Variants in OR8G5 observed in about 807,000 individuals in gnomAD.
The protein encoded by OR8G5 is olfactory receptor 8G5.
For missense variants in OR8G5, 347 were observed against 371.9 expected, an observed-to-expected ratio of 0.93 and a Z score of 0.55; for synonymous variants, 147 against 147.7, an observed-to-expected ratio of 1.00 and a Z score of 0.03.
chr11:124,261,727 T>G (rs948243148), intron 1 of OR8G5, among the ~76,000 whole-genome samples: 1 of 151,916 alleles, frequency 6.6e-6, no homozygotes, highest in African/African-American at 2.4e-5. Flanking sequence ...TATCAGGCAA[T>G]GTATCCTTTT....
intron 1 of OR8G5, among the ~76,000 whole-genome samples, chr11:124,259,056 AG>A (rs1861939818): frequency 6.6e-6 from 1 of 152,208 alleles, no homozygotes; most frequent in Non-Finnish European, 1.5e-5. Flanking sequence ...TTTTAAACTA[AG>A]CTTAGAAGTT....
chr11:124,266,097 A>T lies in OR8G5; in HGVS notation c.*230A>T. On this transcript the variant is annotated 3_prime_UTR_variant, in exon 2 of 2. Coordinates refer to ENST00000641992, the MANE Select transcript of OR8G5 (RefSeq NM_001005198.2). ...TTTCTTAGAAGAAATAATAAGATTG[A>T]CATAGTGAAATAGTGGCATAACCTG... 4.1e-6 allele frequency: 2 copies of T among 491,890 alleles called. No homozygotes were observed. The highest frequency in any genetic ancestry group is 6.9e-6 in the Non-Finnish European group (2 of 288,540). The allele number at this position is 491,890 out of a possible 1,614,324, so 30.5% of individuals were successfully genotyped here. A position where few individuals can be genotyped will look rare whatever the true frequency, so the allele number is the denominator to read the frequency against.
chr11:124,265,359 C>G lies in OR8G5; in HGVS notation c.428C>G (p.Ser143Cys). ...SIIISNKACF[S>C]LILVVYVIGL... ...ATCATATCCAATAAGGCTTGCTTTT[C>G]TCTGATTTTAGTGGTGTATGTAATA... The change falls in exon 2 of 2, where the codon TCT (serine) becomes TGT (cysteine). Residue 143 changes from serine (S) to cysteine (C), a missense_variant. Coordinates refer to ENST00000641992, the MANE Select transcript of OR8G5 (RefSeq NM_001005198.2). The G allele has an allele frequency of 6.2e-7, 1 of 1,614,006 alleles. No individual in the cohort carries two copies. Among genetic ancestry groups the G allele is most frequent in the Non-Finnish European group, 8.5e-7 (1 of 1,179,894 alleles).
chr11:124,258,809 G>A (rs1459511319), intron 1 of OR8G5, among the ~76,000 whole-genome samples: 1 of 152,012 alleles, frequency 6.6e-6, no homozygotes, highest in African/African-American at 2.4e-5. Flanking sequence ...CAGCACTTCA[G>A]CACCATTGTA....
rs1328765458 is a variant in OR8G5 at position 124,265,628 on chromosome 11, G to T, written c.697G>T (p.Gly233Cys). The change falls in exon 2 of 2, where the codon GGC becomes TGC. Residue 233 changes from glycine to cysteine, a missense_variant. Coordinates refer to ENST00000641992, the MANE Select transcript of OR8G5 (RefSeq NM_001005198.2). ...ASILRIRYTE[G>C]RSKAFSTCSS... ...CATCCTCCGCATTCGCTACACTGAG[G>T]GCAGGTCCAAAGCCTTCAGCACTTG... 3.1e-6 allele frequency: 5 copies of T among 1,613,836 alleles called. No individual in the cohort carries two copies. The highest frequency in any genetic ancestry group is 2.5e-6 in the Non-Finnish European group (3 of 1,179,876).
intron 1 of OR8G5, 130 bp downstream of exon 1, chr11:124,256,764 C>T (rs1222215477): frequency 6.6e-6 from 1 of 152,170 alleles, no homozygotes; most frequent in Non-Finnish European, 1.5e-5. Flanking sequence ...CTTAAAAGTA[C>T]TTTTTAAACT....
intron 1 of OR8G5, among the ~76,000 whole-genome samples, chr11:124,261,583 A>G (rs2466669): frequency 0.48 from 73,118 of 151,678 alleles, 18,397 homozygotes; most frequent in East Asian, 0.58. Flanking sequence ...CAGAAATTTT[A>G]GTGAGAGACA....
rs564961203 is a variant in OR8G5 at position 124,256,535 on chromosome 11, G to A, written c.-114G>A. The A allele has an allele frequency of 6.6e-6, 1 of 152,280 alleles. No homozygotes were observed. Among genetic ancestry groups the A allele is most frequent in the African/African-American group, 2.4e-5 (1 of 41,558 alleles). The allele number at this position is 152,280 out of a possible 1,614,324, so 9.4% of individuals were successfully genotyped here. On this transcript the variant is annotated 5_prime_UTR_variant, in exon 1 of 2. Coordinates refer to ENST00000641992, the MANE Select transcript of OR8G5 (RefSeq NM_001005198.2). ...ACTAAAGACTACAGAACGCTGGCTT[G>A]GTACCTATGACTTCCAACAGCAGCA...
Position 124,264,274 on chromosome 11 carries a change from C to G in OR8G5, c.-14-644C>G, listed in dbSNP as rs559925869. Among the ~76,000 whole-genome samples, 474 of 152,298 alleles carry G rather than the reference C, an allele frequency of 3.1e-3. 3 individuals carry two copies. The highest frequency in any genetic ancestry group is 0.01 in the African/African-American group (435 of 41,572). ...CAAGCACTTTGACTTTAGAGCCTGT[C>G]CATTCAACAACTACTCATTCTGTTT... On this transcript the variant is annotated intron_variant, in intron 1 of 1. Coordinates refer to ENST00000641992, the MANE Select transcript of OR8G5 (RefSeq NM_001005198.2).
chr11:124,264,232 G>T (rs541823196), intron 1 of OR8G5, among the ~76,000 whole-genome samples: 1 of 152,230 alleles, frequency 6.6e-6, no homozygotes, highest in Admixed American at 6.5e-5. Flanking sequence ...GTAAATGACG[G>T]GGTCAGAATT....
At chr11:124,262,672 T>TACAC (rs144755103) in intron 1 of OR8G5, among the ~76,000 whole-genome samples, 44,816 of 150,766 alleles carry the variant, frequency 0.3, 7,067 homozygotes, top group East Asian at 0.42. Flanking sequence ...TATATGTACA[T>TACAC]ATACACACAC....
intron 1 of OR8G5, among the ~76,000 whole-genome samples, chr11:124,261,700 G>A (rs1249883913): frequency 6.6e-6 from 1 of 151,842 alleles, no homozygotes; most frequent in Non-Finnish European, 1.5e-5. Flanking sequence ...TGAAATGTGT[G>A]TATTAAGGGA....
intron 1 of OR8G5, among the ~76,000 whole-genome samples, chr11:124,263,471 T>A (rs912565572): frequency 1.3e-5 from 2 of 150,756 alleles, no homozygotes; most frequent in Admixed American, 1.3e-4. Flanking sequence ...TAACATTAGG[T>A]ATATCTCCTA....
In OR8G5 at chr11:124,265,037, G is replaced by A. The variant is rs1862013485; in HGVS notation, c.106G>A (p.Val36Ile). The change falls in exon 2 of 2, where the codon GTA (valine) becomes ATA (isoleucine). Residue 36 changes from valine to isoleucine, a missense_variant. Transcript: ENST00000641992. ...PLFLVFLGIY[V>I]VTVLGNLGMI... ...CTTCCTCGTCTTCCTGGGAATCTAT[G>A]TAGTCACAGTGCTGGGGAACCTGGG... 3 of 1,614,100 alleles carry A rather than the reference G, an allele frequency of 1.9e-6. No homozygotes were observed. Among genetic ancestry groups the A allele is most frequent in the Non-Finnish European group, 2.5e-6 (3 of 1,180,008 alleles).
intron 1 of OR8G5, among the ~76,000 whole-genome samples, chr11:124,262,540 A>G (rs899058817): frequency 3.9e-5 from 6 of 152,018 alleles, no homozygotes; most frequent in African/African-American, 9.7e-5. Flanking sequence ...GAATACTTCT[A>G]TACATTTGGG....
chr11:124,259,700 T>C (rs1861948672), intron 1 of OR8G5, among the ~76,000 whole-genome samples: 1 of 152,122 alleles, frequency 6.6e-6, no homozygotes, highest in African/African-American at 2.4e-5. Flanking sequence ...TGATGATCAA[T>C]CATATTGGGA....
chr11:124,266,069 T>A lies in OR8G5; in HGVS notation c.*202T>A. ...TCTCATAAGGATTACGAAGACATGATATTTTCTTAGAAGAAATAATAAGAT... is the reference window on the plus strand; with the variant it reads ...TCTCATAAGGATTACGAAGACATGAAATTTTCTTAGAAGAAATAATAAGAT... On this transcript the variant is annotated 3_prime_UTR_variant, in exon 2 of 2. Coordinates refer to ENST00000641992, the MANE Select transcript of OR8G5 (RefSeq NM_001005198.2). The A allele has an allele frequency of 1.6e-6, 1 of 616,308 alleles. No homozygotes were observed. Among genetic ancestry groups the A allele is most frequent in the Non-Finnish European group, 2.6e-6 (1 of 386,102 alleles). The allele number at this position is 616,308 out of a possible 1,614,324, so 38.2% of individuals were successfully genotyped here.
chr11:124,257,405 T>C (rs535167155), intron 1 of OR8G5, among the ~76,000 whole-genome samples: 8 of 152,186 alleles, frequency 5.3e-5, no homozygotes, highest in Non-Finnish European at 7.3e-5. Flanking sequence ...AGTCATACAC[T>C]AAGTATGAAA....
At position 124,266,178 on chromosome 11, in the gene OR8G5, ACTC is replaced by A. The variant is rs1862029018; in HGVS notation, c.*315_*317del. On this transcript the variant is annotated 3_prime_UTR_variant, in exon 2 of 2. Coordinates refer to ENST00000641992, the MANE Select transcript of OR8G5 (RefSeq NM_001005198.2). ...TCTTTCATGTAATTGATTAAAACAT[ACTC>A]CTCAACATAATAAAAACACTATCTT... is the stretch of plus-strand genomic sequence containing the variant. 2.3e-5 allele frequency: 6 copies of A among 263,710 alleles called. 1 individual carries two copies. Among genetic ancestry groups the A allele is most frequent in the Admixed American group, 2.0e-4 (4 of 20,168 alleles). The allele number at this position is 263,710 out of a possible 1,614,324, so 16.3% of individuals were successfully genotyped here. A position where few individuals can be genotyped will look rare whatever the true frequency, so the allele number is the denominator to read the frequency against.
Sources: gnomAD v4.1 joint callset for allele counts (sites outside exome capture counted in the v4.1 genomes callset) on GRCh38, gnomAD v4.1.1 for gene constraint, MANE v1.5 for transcripts, NCBI Gene and HGNC (gene_info 2026-07-23, HGNC 2026-07-21) for gene names.